Variants in ZDHHC1 observed in about 807,000 individuals in gnomAD.
The protein encoded by ZDHHC1 is zDHHC palmitoyltransferase 1.
Under a neutral mutation model 46.9 loss-of-function variants are expected in ZDHHC1, and 45 were observed. The observed-to-expected ratio is 0.96, with a 90% CI of 0.76 to 1.23. ZDHHC1 has a LOEUF of 1.23. Among genes scored for constraint, ZDHHC1 ranks in the 50% most tolerant of loss-of-function variants. ZDHHC1 has a pLI of 0.00. For synonymous variants in ZDHHC1, 291 were observed against 286.0 expected (o/e 1.02, Z -0.18); for missense variants, 649 against 670.8 (o/e 0.97, Z 0.36).
intron 1 of ZDHHC1, among the ~76,000 whole-genome samples, chr16:67,412,341 A>G (rs543745345): frequency 2.5e-4 from 38 of 152,134 alleles, no homozygotes; most frequent in Non-Finnish European, 3.8e-4. Context: ...TGAAAAAAAA[A>G]AAGTATGTCT....
chr16:67,402,082 C>T (rs2040562332), intron 3 of ZDHHC1, among the ~76,000 whole-genome samples: 1 of 152,230 alleles, frequency 6.6e-6, no homozygotes, highest in East Asian at 1.9e-4. Flanking sequence ...AATTTCTCTA[C>T]ATATCTGCAT....
chr16:67,395,599 G>C (rs1280721482), intron 8 of ZDHHC1, 33 bp from the exon 9 acceptor site: 2 of 1,546,040 alleles, frequency 1.3e-6, no homozygotes, highest in South Asian at 2.4e-5. Flanking sequence ...AGGCTGGGAG[G>C]CCAGGTGTGG....
At chr16:67,397,373 G>A (rs1179425731) in intron 8 of ZDHHC1, among the ~76,000 whole-genome samples, 1 of 152,204 alleles carries the variant, frequency 6.6e-6, no homozygotes, top group Non-Finnish European at 1.5e-5. Context: ...GGTATACGGT[G>A]GTGTAACAGT....
At position 67,412,883 on chromosome 16, in the gene ZDHHC1, C is replaced by T. The variant is rs913989831; in HGVS notation, c.-39+3288G>A. Among the ~76,000 whole-genome samples the T allele has an allele frequency of 2.6e-5, 4 of 152,106 alleles. No homozygotes were observed. The East Asian group carries it at 5.8e-4, about 22-fold the overall frequency. On this transcript the variant is annotated intron_variant, in intron 1 of 11. Transcript: ENST00000565726. ...TGGTGCGATCTTGGCTCACTGCAGC[C>T]TCTGCCTCCTGGGTTCAAGTGATTC...
At chr16:67,404,218 C>CGGGGTGGGGGG (rs2040609806) in intron 3 of ZDHHC1, 1 of 14,384 alleles carries the variant, frequency 7.0e-5, no homozygotes. Context: ...AGAGGTGGGG[C>CGGGGTGGGGGG]GGGGGAGGGG....
chr16:67,400,107 AGCTGCTGGAGCAGCTGCTCG>A (rs898840596), intron 4 of ZDHHC1, among the ~76,000 whole-genome samples: 2 of 152,220 alleles, frequency 1.3e-5, no homozygotes, highest in Non-Finnish European at 2.9e-5. Flanking sequence ...AATGGGCAGC[AGCTGCTGGAGCAGCTGCTCG>A]GAAAGTGTGC....
At chr16:67,399,079 C>A (rs539726044) in intron 5 of ZDHHC1, 135 bp from the exon 6 acceptor site, 4 of 1,294,610 alleles carry the variant, frequency 3.1e-6, no homozygotes, top group Admixed American at 5.7e-5. Flanking sequence ...TCCTCAGAAG[C>A]CAAAGGCATA....
intron 1 of ZDHHC1, among the ~76,000 whole-genome samples, chr16:67,410,219 C>T (rs2040728853): frequency 6.6e-6 from 1 of 152,144 alleles, no homozygotes; most frequent in African/African-American, 2.4e-5. Flanking sequence ...GGGGAAGCGG[C>T]ACCACAGTGG....
At chr16:67,399,250 G>C (rs1014440943) in intron 5 of ZDHHC1, 105 bp downstream of exon 5, 41 of 1,079,430 alleles carry the variant, frequency 3.8e-5, no homozygotes, top group South Asian at 3.1e-4. Context: ...ACAGGTCCTC[G>C]AAGCATCCCC....
chr16:67,399,410 C>T lies in ZDHHC1; in HGVS notation c.475G>A (p.Gly159Ser). 6 of 1,613,376 alleles carry T rather than the reference C, an allele frequency of 3.7e-6. No homozygotes were observed. Among genetic ancestry groups the T allele is most frequent in the Non-Finnish European group, 5.1e-6 (6 of 1,179,870 alleles). Residue 159 changes from glycine (G) to serine (S), a missense_variant, in exon 5 of 12, where the codon GGT (glycine) becomes AGT (serine). Physicochemically the swap from Gly to Ser is moderately conservative, Grantham distance 56. Coordinates refer to ENST00000565726, the MANE Select transcript of ZDHHC1 (RefSeq NM_001323627.2). ...AGCCACTTGCAGTGGTGGTCGAAACCGCACACGCACTTGTTGCAGGCGCTG... is the reference window on the plus strand; with the variant it reads ...AGCCACTTGCAGTGGTGGTCGAAACTGCACACGCACTTGTTGCAGGCGCTG... The part of the protein sequence containing the change: ...HCSACNKCVC[G>S]FDHHCKWLNN...
At chr16:67,400,539 A>G (rs1331810731) in intron 4 of ZDHHC1, among the ~76,000 whole-genome samples, 1 of 152,210 alleles carries the variant, frequency 6.6e-6, no homozygotes, top group Non-Finnish European at 1.5e-5. Context: ...TGTCTGGCCT[A>G]TCAGCCTTTC....
intron 1 of ZDHHC1, among the ~76,000 whole-genome samples, chr16:67,414,931 G>C (rs1174576909): frequency 6.6e-6 from 1 of 152,178 alleles, no homozygotes; most frequent in Non-Finnish European, 1.5e-5. Flanking sequence ...GAGGTCAGGA[G>C]TTCAAGACCA....
rs571642362 is a variant in ZDHHC1, at chr16:67,401,123, C to A, written c.262G>T (p.Ala88Ser). 11 of 1,613,698 alleles carry A rather than the reference C, an allele frequency of 6.8e-6. No individual in the cohort carries two copies. The highest frequency in any genetic ancestry group is 8.5e-6 in the Non-Finnish European group (10 of 1,179,926). Residue 88 changes from alanine (A) to serine (S), a missense_variant, in exon 4 of 12, where the codon GCC becomes TCC. By Grantham distance (99) the Ala-to-Ser change is moderately conservative. Coordinates refer to ENST00000565726, the MANE Select transcript of ZDHHC1 (RefSeq NM_001323627.2). This position sits in a 1 kb window ranked among gnomAD's most constrained non-coding sequence, Gnocchi z 4.6. ...ACCACAAGGTGGCCAGCAAAGATGG[C>A]GCCCATGCACTGGCCCAGCAGGTTA... is the stretch of plus-strand genomic sequence containing the variant. Reference protein sequence around the residue: ...WVPAGYACMGAIFAGHLVVHL... With the variant: ...WVPAGYACMGSIFAGHLVVHL...
chr16:67,405,412 C>T (rs896000548), intron 3 of ZDHHC1, among the ~76,000 whole-genome samples: 1 of 152,206 alleles, frequency 6.6e-6, no homozygotes, highest in African/African-American at 2.4e-5. Flanking sequence ...GGCTCTTAGG[C>T]TTATCGCCGC....
chr16:67,409,423 G>A (rs565161222), intron 1 of ZDHHC1, among the ~76,000 whole-genome samples: 2 of 152,368 alleles, frequency 1.3e-5, no homozygotes, highest in East Asian at 1.9e-4. Flanking sequence ...GTCTGAGGCT[G>A]TGGATGTGGG....
Position 67,394,633 on chromosome 16 carries a change from C to A in ZDHHC1, c.1426G>T (p.Gly476Cys). The part of the protein sequence containing the change: ...PSSGEPRAPG[G>C]REAGLA ...AGCTAAGCCAGACCAGCCTCCCGGC[C>A]GCCCGGCGCCCTGGGCTCGCCGCTG... The change falls in exon 12 of 12, where the codon GGC (glycine) becomes TGC (cysteine). Residue 476 changes from glycine (G) to cysteine (C), a missense_variant. Gly to Cys is a radical substitution (Grantham distance 159). Transcript: ENST00000565726. 1 of 1,200,780 alleles carries A rather than the reference C, an allele frequency of 8.3e-7. No individual in the cohort carries two copies. Among genetic ancestry groups the A allele is most frequent in the Non-Finnish European group, 1.0e-6 (1 of 968,924 alleles). 74.4% of individuals were successfully genotyped at this position (1,200,780 alleles called of 1,614,324 possible).
At position 67,394,539 on chromosome 16, in the gene ZDHHC1, G is replaced by C; in HGVS notation, c.*71C>G. On this transcript the variant is annotated 3_prime_UTR_variant, in exon 12 of 12. Coordinates refer to ENST00000565726, the MANE Select transcript of ZDHHC1 (RefSeq NM_001323627.2). ...GGGGCCCCTAAAGTGCACTCGGTGC[G>C]GCAAGGATGGGGTGTTGCATAGAGA... The C allele has an allele frequency of 8.9e-7, 1 of 1,117,390 alleles. No homozygotes were observed. The allele number at this position is 1,117,390 out of a possible 1,614,324, so 69.2% of individuals were successfully genotyped here. A position where few individuals can be genotyped will look rare whatever the true frequency, so the allele number is the denominator to read the frequency against.
Position 67,398,233 on chromosome 16 carries a change from A to G in ZDHHC1, c.906T>C (p.Pro302=), listed in dbSNP as rs2040470338. Residue 302 remains proline (P), a synonymous_variant, in exon 8 of 12, where the codon CCT becomes CCC. Transcript: ENST00000565726. ...KGVHRELESC[P]PKMRPIQEME... ...ATACCTGAATGGGCCGCATCTTGGG[A>G]GGACATGACTCGAGCTCCCTGTGAA... is the stretch of plus-strand genomic sequence containing the variant. 6.2e-7 allele frequency: 1 copy of G among 1,612,178 alleles called. No individual in the cohort carries two copies. The highest frequency in any genetic ancestry group is 8.5e-7 in the Non-Finnish European group (1 of 1,179,094).
At chr16:67,409,176 C>T (rs991679268) in intron 1 of ZDHHC1, among the ~76,000 whole-genome samples, 4 of 152,110 alleles carry the variant, frequency 2.6e-5, no homozygotes, top group South Asian at 2.1e-4. Context: ...TGCAGCCAGG[C>T]GCCCGCCACT....
Sources: allele counts gnomAD v4.1 joint callset (sites outside exome capture counted in the v4.1 genomes callset), GRCh38; gene constraint gnomAD v4.1.1; non-coding constraint Gnocchi (gnomAD v3.1); transcripts MANE v1.5; gene names NCBI Gene and HGNC (gene_info 2026-07-23, HGNC 2026-07-21).